MCM7: variants seen among roughly 807,000 people sequenced by gnomAD.
MCM7 encodes the protein DNA replication licensing factor MCM7.
MCM7 carries 95 observed loss-of-function variants against 83.5 expected under a neutral mutation model. The ratio of observed to expected loss-of-function variants is 1.14; its 90% CI spans 0.96 to 1.35. The LOEUF (loss-of-function observed/expected upper bound fraction) is 1.35, where lower values mean the gene tolerates loss of function less well. MCM7 is among the 40% of genes most tolerant of loss of function. MCM7 has a pLI of 0.00. For missense variants in MCM7, 1,087 were observed against 957.4 expected (o/e 1.14, Z -1.79); for synonymous variants, 461 against 352.7 (o/e 1.31, Z -3.44).
In MCM7 at chr7:100,097,388, G is replaced by A. The variant is rs752178159; in HGVS notation, c.1118-4C>T. 2.5e-6 allele frequency: 4 copies of A among 1,614,026 alleles called. No individual in the cohort carries two copies. The highest frequency in any genetic ancestry group is 1.3e-5 in the African/African-American group (1 of 75,054). Reference sequence around the variant, plus strand: ...ATCAGACAGATGTTGATGTTGCCTGGAGGAAGGGAAGGCAGCCCTGGAATG... The same window carrying A: ...ATCAGACAGATGTTGATGTTGCCTGAAGGAAGGGAAGGCAGCCCTGGAATG... On this transcript the variant is annotated splice_region_variant and splice_polypyrimidine_tract_variant and intron_variant, in intron 9 of 14. Coordinates refer to ENST00000303887, the MANE Select transcript of MCM7 (RefSeq NM_005916.5).
intron 10 of MCM7, 105 bp downstream of exon 10, chr7:100,097,183 TCAGCCTCTCAGAG>T (rs953915573): frequency 1.2e-6 from 1 of 837,022 alleles, no homozygotes; most frequent in African/African-American, 1.7e-5. Flanking sequence ...TTCTCCTGCC[TCAGCCTCTCAGAG>T]CATTGGGATT....
At chr7:100,101,084 GC>G in intron 1 of MCM7, 179 bp downstream of exon 1, 1 of 757,934 alleles carries the variant, frequency 1.3e-6, no homozygotes. Context: ...AACATCGATG[GC>G]CCCCCGCACG....
In MCM7 at chr7:100,101,389, A is replaced by G; in HGVS notation, c.-95T>C. ...CCGCGCGGTGGACTGTGGCCGGCCA[A>G]CCGAAATTGGCGCGAAACGTCGCCC... On this transcript the variant is annotated 5_prime_UTR_variant, in exon 1 of 15. Transcript: ENST00000303887. 6.4e-7 allele frequency: 1 copy of G among 1,555,896 alleles called. No individual in the cohort carries two copies. The highest frequency in any genetic ancestry group is 1.1e-5 in the South Asian group (1 of 89,740).
At chr7:100,100,187 T>C (rs918681308) in intron 1 of MCM7, 94 bp from the exon 2 acceptor site, 2 of 1,509,146 alleles carry the variant, frequency 1.3e-6, no homozygotes, top group Admixed American at 2.3e-5. Flanking sequence ...AACTAATTAA[T>C]AATATGAGCA....
At chr7:100,100,132 A>G in intron 1 of MCM7, 39 bp from the exon 2 acceptor site, 1 of 1,607,884 alleles carries the variant, frequency 6.2e-7, no homozygotes, top group African/African-American at 1.3e-5. Flanking sequence ...CACAAACTTT[A>G]AGACAAATCT....
rs1562892737 is a variant in MCM7, at chr7:100,094,284, G to C, written c.1737C>G (p.Asp579Glu). The change falls in exon 13 of 15, where the codon GAC becomes GAG. Residue 579 changes from aspartate to glutamate, a missense_variant. By Grantham distance (45) the Asp-to-Glu change is conservative. Coordinates refer to ENST00000303887, the MANE Select transcript of MCM7 (RefSeq NM_005916.5). ...KQPMVPESLADYITAAYVEMR... is the reference protein window; with the variant it reads ...KQPMVPESLAEYITAAYVEMR... The stretch of plus-strand genomic sequence containing the variant: ...TCTCCACGTATGCTGCTGTGATGTA[G>C]TCAGCCAGAGACTCTGGCACCATGG... 6.2e-7 allele frequency: 1 copy of C among 1,614,186 alleles called. No homozygotes were observed. Among genetic ancestry groups the C allele is most frequent in the Admixed American group, 1.7e-5 (1 of 60,018 alleles).
chr7:100,093,950 G>GA (rs1795472165), intron 13 of MCM7: 1 of 725,556 alleles, frequency 1.4e-6, no homozygotes, highest in Non-Finnish European at 2.6e-6. Flanking sequence ...TGAAGGTTAA[G>GA]AAGTGGGGAA....
Position 100,098,885 on chromosome 7 carries a change from A to C in MCM7, c.582+138T>G. ...CACCCAGAAAATAGGTAGAAAGACC[A>C]CTACATACCCAAGAATGAAAGGCGA... On this transcript the variant is annotated intron_variant, in intron 5 of 14. Transcript: ENST00000303887. 5 of 1,353,664 alleles carry C rather than the reference A, an allele frequency of 3.7e-6. No individual in the cohort carries two copies. In the South Asian group the frequency reaches 6.9e-5, roughly 19 times the overall value. 83.9% of individuals were successfully genotyped at this position (1,353,664 alleles called of 1,614,324 possible).
chr7:100,100,240 CTT>C, intron 1 of MCM7, 147 bp from the exon 2 acceptor site: 1 of 1,422,892 alleles, frequency 7.0e-7, no homozygotes, highest in Non-Finnish European at 9.2e-7. Flanking sequence ...GGGCATAACT[CTT>C]TTTCACAAGT....
chr7:100,100,766 C>A, intron 1 of MCM7: 1 of 992,510 alleles, frequency 1.0e-6, no homozygotes, highest in South Asian at 4.3e-5. Flanking sequence ...CTCCCTCCAG[C>A]CTCCTCGCGC....
chr7:100,097,404 C>T lies in MCM7; in HGVS notation c.1118-20G>A. On this transcript the variant is annotated intron_variant, in intron 9 of 14. Transcript: ENST00000303887. ...TGTTGCCTGGAGGAAGGGAAGGCAG[C>T]CCTGGAATGACTCTTCTCCCAGTGC... 1 of 1,612,878 alleles carries T rather than the reference C, an allele frequency of 6.2e-7. No homozygotes were observed. Among genetic ancestry groups the T allele is most frequent in the Non-Finnish European group, 8.5e-7 (1 of 1,178,864 alleles).
At position 100,096,548 on chromosome 7, in the gene MCM7, C is replaced by T. The variant is rs546318522; in HGVS notation, c.1202-381G>A. On this transcript the variant is annotated intron_variant, in intron 10 of 14. Coordinates refer to ENST00000303887, the MANE Select transcript of MCM7 (RefSeq NM_005916.5). ...GCACTTTCGGAGGCCGATAACAAGG[C>T]GGGCAGATCACGAGGTCAGGAGTTC... 3.2e-4 allele frequency among the ~76,000 whole-genome samples: 49 copies of T among 152,292 alleles called. 1 individual carries two copies. In the South Asian group the frequency reaches 8.1e-3, roughly 25 times the overall value.
chr7:100,098,698 G>C lies in MCM7; in HGVS notation c.600C>G (p.Phe200Leu), dbSNP rs774787333. 2 of 1,614,196 alleles carry C rather than the reference G, an allele frequency of 1.2e-6. No individual in the cohort carries two copies. Among genetic ancestry groups the C allele is most frequent in the South Asian group, 1.1e-5 (1 of 91,086 alleles). ...GGCTTGGGCACATGATCAGAGGCAT[G>C]AAAGTGGGAGACTGGATCTAGGATG... ...ETYQPIQSPTFMPLIMCPSQE... is the reference protein window; with the variant it reads ...ETYQPIQSPTLMPLIMCPSQE... The change falls in exon 6 of 15, where the codon TTC becomes TTG. Residue 200 changes from phenylalanine (F) to leucine (L), a missense_variant. Physicochemically the swap from Phe to Leu is conservative, Grantham distance 22. Transcript: ENST00000303887.
Position 100,098,684 on chromosome 7 carries a change from A to C in MCM7, c.614T>G (p.Met205Arg), listed in dbSNP as rs748332749. 1.2e-6 allele frequency: 2 copies of C among 1,614,136 alleles called. No individual in the cohort carries two copies. The highest frequency in any genetic ancestry group is 3.3e-5 in the Admixed American group (2 of 60,010). The change falls in exon 6 of 15, where the codon ATG becomes AGG. Residue 205 changes from methionine to arginine, a missense_variant. By Grantham distance (91) the Met-to-Arg change is moderately conservative (BLOSUM62 -1). Transcript: ENST00000303887. ...IQSPTFMPLI[M>R]CPSQECQTNR... ...GGTTTGGCACTCCTGGCTTGGGCACATGATCAGAGGCATGAAAGTGGGAGA... is the reference window on the plus strand; with the variant it reads ...GGTTTGGCACTCCTGGCTTGGGCACCTGATCAGAGGCATGAAAGTGGGAGA...
chr7:100,100,159 C>G, intron 1 of MCM7, 66 bp from the exon 2 acceptor site: 2 of 1,587,198 alleles, frequency 1.3e-6, no homozygotes, highest in South Asian at 1.1e-5. Flanking sequence ...CCCATTTTCG[C>G]TTAAAACACG....
rs1795881569 is a variant in MCM7, at chr7:100,100,076, A to G, written c.49T>C (p.Leu17=). ...TCATCATCCTGGTAGAACTCTTGTA[A>G]GAACTTCTTAACCTTTTCTGTAACA... ...ALEKEKVKKF[L]QEFYQDDELG... Residue 17 remains leucine, a synonymous_variant, in exon 2 of 15, where the codon TTA becomes CTA. Transcript: ENST00000303887. 3 of 1,614,166 alleles carry G rather than the reference A, an allele frequency of 1.9e-6. No homozygotes were observed. Among genetic ancestry groups the G allele is most frequent in the Middle Eastern group, 1.6e-4 (1 of 6,062 alleles).
At chr7:100,100,875 G>C in intron 1 of MCM7, 2 of 1,043,752 alleles carry the variant, frequency 1.9e-6, no homozygotes, top group Non-Finnish European at 2.3e-6. Flanking sequence ...GCCTACGCGC[G>C]CCTGGGGAGG....
At chr7:100,095,255 C>G in intron 12 of MCM7, 132 bp downstream of exon 12, 1 of 800,094 alleles carries the variant, frequency 1.2e-6, no homozygotes, top group Non-Finnish European at 2.1e-6. Context: ...AAAAGCTGAT[C>G]TGAGGCTCTG....
rs754114342 is a variant in MCM7 at position 100,094,297 on chromosome 7, T to A, written c.1724A>T (p.Glu575Val). Residue 575 changes from glutamate to valine, a missense_variant, in exon 13 of 15, where the codon GAG (glutamate) becomes GTG (valine). Glu to Val is a moderately radical substitution (Grantham distance 121, BLOSUM62 -2). Transcript: ENST00000303887. ...TGCTGTGATGTAGTCAGCCAGAGAC[T>A]CTGGCACCATGGGCTGCTTCTCGCG... ...MCREKQPMVPESLADYITAAY... is the reference protein window; with the variant it reads ...MCREKQPMVPVSLADYITAAY... The A allele has an allele frequency of 6.2e-7, 1 of 1,614,180 alleles. No homozygotes were observed.
Sources: gnomAD v4.1 joint callset for allele counts (sites outside exome capture counted in the v4.1 genomes callset) on GRCh38, gnomAD v4.1.1 for gene constraint, MANE v1.5 for transcripts, NCBI Gene and HGNC (gene_info 2026-07-23, HGNC 2026-07-21) for gene names.